ACYP2: variants seen among roughly 807,000 people sequenced by gnomAD.
ACYP2 encodes the protein acylphosphatase-2.
ACYP2 carries 12 observed loss-of-function variants against 11.2 expected under a neutral mutation model. The ratio of observed to expected loss-of-function variants is 1.08; its 90% CI spans 0.69 to 1.74. ACYP2 has a LOEUF of 1.74. Among genes scored for constraint, ACYP2 ranks in the 40% most tolerant of loss-of-function variants. The pLI, the probability that ACYP2 is intolerant of heterozygous loss-of-function variation, is 0.00. For synonymous variants in ACYP2, 43 were observed against 32.2 expected, an observed-to-expected ratio of 1.33 and a Z score of -1.13; for missense variants, 134 against 101.9, an observed-to-expected ratio of 1.31 and a Z score of -1.35.
chr2:54,040,844 A>G (rs905488466), intron 2 of ACYP2, among the ~76,000 whole-genome samples: 1 of 152,184 alleles, frequency 6.6e-6, no homozygotes, highest in Non-Finnish European at 1.5e-5. Context: ...GGGAATATAG[A>G]CAACCCCTAG....
At chr2:54,046,794 G>A (rs1675548784) in intron 2 of ACYP2, among the ~76,000 whole-genome samples, 1 of 152,088 alleles carries the variant, frequency 6.6e-6, no homozygotes, top group Non-Finnish European at 1.5e-5. Flanking sequence ...TTTTGAATAA[G>A]GGGGCAACAC....
chr2:54,139,193 G>C (rs947426347), intron 6 of ACYP2, among the ~76,000 whole-genome samples: 8 of 152,202 alleles, frequency 5.3e-5, no homozygotes, highest in African/African-American at 1.9e-4. Flanking sequence ...GCGTTAGGGA[G>C]ATGTCCAGGG....
intron 2 of ACYP2, among the ~76,000 whole-genome samples, chr2:54,035,071 C>G (rs1388139688): frequency 6.9e-6 from 1 of 145,156 alleles, no homozygotes; most frequent in Non-Finnish European, 1.5e-5. Context: ...GGTTTGAGTC[C>G]TCACACACTG....
intron 2 of ACYP2, among the ~76,000 whole-genome samples, chr2:54,049,992 C>T (rs1675750400): frequency 6.6e-6 from 1 of 152,172 alleles, no homozygotes; most frequent in African/African-American, 2.4e-5. Context: ...ACTGGGTGGA[C>T]ACTGCTTCTA....
intron 2 of ACYP2, among the ~76,000 whole-genome samples, chr2:53,992,723 T>C (rs1672360166): frequency 6.7e-6 from 1 of 150,126 alleles, no homozygotes; most frequent in Non-Finnish European, 1.5e-5. Context: ...CCGAGCTACT[T>C]GGGAGGCTGT....
chr2:53,991,523 A>G (rs1216506139), intron 2 of ACYP2, among the ~76,000 whole-genome samples: 1 of 151,230 alleles, frequency 6.6e-6, no homozygotes, highest in East Asian at 2.0e-4. Flanking sequence ...CTCCTGCTTC[A>G]GCCTCCTGAG....
At chr2:54,120,968 A>T (rs1470952407) in intron 4 of ACYP2, among the ~76,000 whole-genome samples, 1 of 151,800 alleles carries the variant, frequency 6.6e-6, no homozygotes, top group Non-Finnish European at 1.5e-5. Context: ...GCGTGTCACA[A>T]CTCATTGGGT....
intron 6 of ACYP2, among the ~76,000 whole-genome samples, chr2:54,220,552 AT>A (rs1331838830): frequency 6.6e-6 from 1 of 152,196 alleles, no homozygotes. Flanking sequence ...GTTTATTCAA[AT>A]GTAAATCTCA....
At chr2:54,012,091 C>A (rs1673405637) in intron 2 of ACYP2, among the ~76,000 whole-genome samples, 1 of 152,098 alleles carries the variant, frequency 6.6e-6, no homozygotes, top group Non-Finnish European at 1.5e-5. Flanking sequence ...CAAAAATTAG[C>A]CAGGCGTGGT....
chr2:54,161,610 A>T (rs1176766592), intron 6 of ACYP2, among the ~76,000 whole-genome samples: 1 of 152,314 alleles, frequency 6.6e-6, no homozygotes, highest in African/African-American at 2.4e-5. Context: ...CTAACTTTTT[A>T]ATGATTTGCC....
rs544513589 is a variant in ACYP2, at chr2:54,129,671, TATTATATATTCAGTC to T, written c.278-5771_278-5757del. Among the ~76,000 whole-genome samples, 182 of 149,922 alleles carry T rather than the reference TATTATATATTCAGTC, an allele frequency of 1.2e-3. 1 individual carries two copies. The highest frequency in any genetic ancestry group is 4.4e-3 in the African/African-American group (182 of 41,134). ...GCATGTATGTCTACATATATATGTG[TATTATATATTCAGTC>T]ATTATATATTATCACTGTGTAAAGT... On this transcript the variant is annotated intron_variant, in intron 4 of 6. Transcript: ENST00000607452.
chr2:54,014,917 A>T (rs1405620970), intron 2 of ACYP2, among the ~76,000 whole-genome samples: 1 of 152,074 alleles, frequency 6.6e-6, no homozygotes, highest in Non-Finnish European at 1.5e-5. Flanking sequence ...GAGCCACTGT[A>T]TCTGGCCCCC....
intron 2 of ACYP2, among the ~76,000 whole-genome samples, chr2:53,978,387 G>GC (rs1285568236): frequency 3.9e-5 from 6 of 152,054 alleles, no homozygotes; most frequent in Non-Finnish European, 8.8e-5. Context: ...GGTGATTAAT[G>GC]ATACCTGTCC....
intron 6 of ACYP2, among the ~76,000 whole-genome samples, chr2:54,262,889 C>T (rs843688): frequency 6.6e-6 from 1 of 151,902 alleles, no homozygotes; most frequent in Admixed American, 6.5e-5. Context: ...CTTTATTGAA[C>T]GGTCTTTGAA....
chr2:54,301,540 C>A (rs1026870370), intron 6 of ACYP2, among the ~76,000 whole-genome samples: 7 of 152,188 alleles, frequency 4.6e-5, no homozygotes, highest in African/African-American at 1.2e-4. Context: ...CCTCCAGTAT[C>A]TAGAATGACT....
chr2:53,978,633 T>TC (rs772634437), intron 2 of ACYP2, among the ~76,000 whole-genome samples: 116 of 152,232 alleles, frequency 7.6e-4, no homozygotes, highest in Non-Finnish European at 1.5e-3. Context: ...CACCTGTAAT[T>TC]CCAGCACTTT....
At chr2:54,092,643 G>C (rs1678297297) in intron 4 of ACYP2, among the ~76,000 whole-genome samples, 1 of 152,152 alleles carries the variant, frequency 6.6e-6, no homozygotes. Flanking sequence ...AGCTACAGAG[G>C]GAAAGACTGT....
intron 6 of ACYP2, among the ~76,000 whole-genome samples, chr2:54,284,229 C>A (rs1392246291): frequency 6.6e-6 from 1 of 152,198 alleles, no homozygotes; most frequent in Non-Finnish European, 1.5e-5. Flanking sequence ...CCAAAGCAGG[C>A]TCCATAAACG....
At chr2:54,076,307 A>C (rs1402860247) in intron 4 of ACYP2, among the ~76,000 whole-genome samples, 1 of 152,236 alleles carries the variant, frequency 6.6e-6, no homozygotes, top group Non-Finnish European at 1.5e-5. Flanking sequence ...TAAAATTTAT[A>C]CGGAGAATAT....
Sources: gnomAD v4.1 joint callset for allele counts (sites outside exome capture counted in the v4.1 genomes callset) on GRCh38, gnomAD v4.1.1 for gene constraint, MANE v1.5 for transcripts, NCBI Gene and HGNC (gene_info 2026-07-23, HGNC 2026-07-21) for gene names.